Variants in LACTB observed in about 807,000 individuals in gnomAD.
LACTB encodes the protein serine beta-lactamase-like protein LACTB, mitochondrial.
In LACTB, 35 loss-of-function variants were observed where a neutral mutation model predicts 50.2. The observed-to-expected ratio is 0.70, with a 90% CI of 0.53 to 0.92. LACTB has a LOEUF of 0.92. Among genes scored for constraint, LACTB ranks in the 40% least tolerant of loss-of-function variants. The pLI is 0.00. For missense variants in LACTB, 664 were observed against 691.8 expected (o/e 0.96, Z 0.45); for synonymous variants, 252 against 268.2 (o/e 0.94, Z 0.59).
At chr15:63,124,680 C>A (rs1216276334) in intron 2 of LACTB, among the ~76,000 whole-genome samples, 2 of 152,154 alleles carry the variant, frequency 1.3e-5, no homozygotes. Context: ...AGGCCAGGTG[C>A]AGTGGCTCAC....
chr15:63,127,805 A>T, intron 4 of LACTB, 116 bp downstream of exon 4: 1 of 695,910 alleles, frequency 1.4e-6, no homozygotes, highest in South Asian at 2.0e-5. Context: ...TGTGATACGG[A>T]CTAGTCTGGT....
At chr15:63,126,785 A>G (rs2037058331) in intron 2 of LACTB, 74 bp from the exon 3 acceptor site, 3 of 850,044 alleles carry the variant, frequency 3.5e-6, no homozygotes, top group East Asian at 5.3e-5. Context: ...TAAAGATAGT[A>G]TTATTTCAGG....
At chr15:63,128,504 AG>A (rs2037084844) in intron 4 of LACTB, among the ~76,000 whole-genome samples, 1 of 152,170 alleles carries the variant, frequency 6.6e-6, no homozygotes, top group South Asian at 2.1e-4. Context: ...CAGGAGGCTG[AG>A]GCGGGAGGAT....
intron 5 of LACTB, among the ~76,000 whole-genome samples, chr15:63,137,088 G>C (rs1323445837): frequency 1.3e-5 from 2 of 152,168 alleles, no homozygotes; most frequent in Non-Finnish European, 2.9e-5. Flanking sequence ...GGAGGCAAGA[G>C]AATTGTTTTT....
chr15:63,136,224 G>A (rs2037175119), intron 5 of LACTB, among the ~76,000 whole-genome samples: 1 of 151,974 alleles, frequency 6.6e-6, no homozygotes, highest in Admixed American at 6.6e-5. Flanking sequence ...AAATTTTTTT[G>A]TAGAGATGAG....
chr15:63,133,084 A>C (rs1228311743), intron 5 of LACTB, among the ~76,000 whole-genome samples: 1 of 152,186 alleles, frequency 6.6e-6, no homozygotes, highest in East Asian at 1.9e-4. Context: ...TTGCTTAAGC[A>C]GACTTTAATA....
chr15:63,139,023 G>T, intron 5 of LACTB, among the ~76,000 whole-genome samples: 1 of 127,522 alleles, frequency 7.8e-6, no homozygotes, highest in East Asian at 2.7e-4. Flanking sequence ...CAGCCTAGGT[G>T]AAAGAGCAAG....
At position 63,129,670 on chromosome 15, in the gene LACTB, TG is replaced by T. The variant is rs1261297503; in HGVS notation, c.1118+21del. ...AGCAAGGTAAATGAATACCTTCTGCTGTGTCTAGCTATATCGCATCTTAACA... is the reference window on the plus strand; with the variant it reads ...AGCAAGGTAAATGAATACCTTCTGCTTGTCTAGCTATATCGCATCTTAACA... On this transcript the variant is annotated intron_variant, in intron 5 of 5. Coordinates refer to ENST00000261893, the MANE Select transcript of LACTB (RefSeq NM_032857.5). The T allele has an allele frequency of 6.4e-6, 10 of 1,556,530 alleles. No individual in the cohort carries two copies. The highest frequency in any genetic ancestry group is 8.7e-6 in the Non-Finnish European group (10 of 1,151,564).
At chr15:63,140,863 C>T (rs1036594720) in intron 5 of LACTB, 3 of 248,748 alleles carry the variant, frequency 1.2e-5, no homozygotes, top group Non-Finnish European at 1.9e-5. Context: ...TGGATGTTTA[C>T]AGTTTTGGTT....
In LACTB at chr15:63,122,595, A is replaced by G. The variant is rs751834364; in HGVS notation, c.358-41A>G. 5.9e-6 allele frequency: 9 copies of G among 1,515,934 alleles called. No homozygotes were observed. In the South Asian group the frequency reaches 7.9e-5, roughly 13 times the overall value. 93.9% of individuals were successfully genotyped at this position (1,515,934 alleles called of 1,614,324 possible). On this transcript the variant is annotated intron_variant, in intron 1 of 5. Coordinates refer to ENST00000261893, the MANE Select transcript of LACTB (RefSeq NM_032857.5). ...CCCGAGGAGAGCGCTGGGCTTTTTCAGCAGGCCCGTAACTGTCGGTTCTTT... is the reference window on the plus strand; with the variant it reads ...CCCGAGGAGAGCGCTGGGCTTTTTCGGCAGGCCCGTAACTGTCGGTTCTTT...
chr15:63,122,039 G>A lies in LACTB; in HGVS notation c.168G>A (p.Leu56=). 1 of 1,419,382 alleles carries A rather than the reference G, an allele frequency of 7.0e-7. No individual in the cohort carries two copies. The allele number at this position is 1,419,382 out of a possible 1,614,324, so 87.9% of individuals were successfully genotyped here. ...TGGGGCTGGCGCTCGGGGTGAAGCT[G>A]GCAGGTGGGCTGAGGGGCGCGGCCC... ...LGLGLALGVK[L]AGGLRGAAPA... is the part of the protein sequence containing the mutation. Residue 56 remains leucine (L), a synonymous_variant, in exon 1 of 6, where the codon CTG becomes CTA. Transcript: ENST00000261893.
intron 5 of LACTB, among the ~76,000 whole-genome samples, chr15:63,136,174 T>G (rs1425145864): frequency 6.6e-6 from 1 of 152,104 alleles, no homozygotes; most frequent in African/African-American, 2.4e-5. Flanking sequence ...TCCAAGTAGC[T>G]GGAACTACAG....
At chr15:63,140,838 C>T (rs2037221266) in intron 5 of LACTB, among the ~76,000 whole-genome samples, 1 of 152,128 alleles carries the variant, frequency 6.6e-6, no homozygotes, top group Non-Finnish European at 1.5e-5. Flanking sequence ...TATTCCTAAA[C>T]ATCCCAAAGT....
chr15:63,123,521 G>A (rs2037006169), intron 2 of LACTB, among the ~76,000 whole-genome samples: 1 of 152,184 alleles, frequency 6.6e-6, no homozygotes, highest in South Asian at 2.1e-4. Context: ...AGAGATAAAA[G>A]AAAAGACAGC....
intron 5 of LACTB, among the ~76,000 whole-genome samples, chr15:63,133,873 T>C (rs1000137379): frequency 6.6e-6 from 1 of 152,242 alleles, no homozygotes; most frequent in African/African-American, 2.4e-5. Flanking sequence ...TTTGTTTGAC[T>C]TTTTAAAGTA....
At position 63,127,370 on chromosome 15, in the gene LACTB, A is replaced by G. The variant is rs751240045; in HGVS notation, c.633A>G (p.Arg211=). ...YEGEKVSVTT[R]LLISHLSGIR... ...ACAATTAGGTTTCTGTCACAACAAG[A>G]TTACTGATTTCCCATTTAAGTGGAA... is the stretch of plus-strand genomic sequence containing the variant. Residue 211 remains arginine (R), a synonymous_variant, in exon 4 of 6, where the codon AGA becomes AGG. Transcript: ENST00000261893. The G allele has an allele frequency of 1.9e-6, 3 of 1,569,674 alleles. No homozygotes were observed. The highest frequency in any genetic ancestry group is 2.1e-5 in the Admixed American group (1 of 48,364).
At position 63,141,802 on chromosome 15, in the gene LACTB, C is replaced by T. The variant is rs751208700; in HGVS notation, c.1641C>T (p.Asp547=). 3.1e-6 allele frequency: 5 copies of T among 1,606,918 alleles called. No homozygotes were observed. In the South Asian group the frequency reaches 5.5e-5, roughly 18 times the overall value. ...TTGAATTTGATAAAGACAGATCAGA[C>T]TGATAACCTTAACACCATAGGTGCA... The part of the protein sequence containing the change: ...IALEFDKDRS[D] The change falls in exon 6 of 6, where the codon GAC becomes GAT. Residue 547 remains aspartate, a synonymous_variant. Coordinates refer to ENST00000261893, the MANE Select transcript of LACTB (RefSeq NM_032857.5).
At chr15:63,123,246 C>T (rs1444344062) in intron 2 of LACTB, among the ~76,000 whole-genome samples, 1 of 152,138 alleles carries the variant, frequency 6.6e-6, no homozygotes, top group Non-Finnish European at 1.5e-5. Context: ...CTGAGGAAAG[C>T]GAAACCACAG....
Position 63,138,924 on chromosome 15 carries a change from G to A in LACTB, c.1119-2356G>A, listed in dbSNP as rs1456051801. On this transcript the variant is annotated intron_variant, in intron 5 of 5. Coordinates refer to ENST00000261893, the MANE Select transcript of LACTB (RefSeq NM_032857.5). Reference sequence around the variant, plus strand: ...TAGCTGTGCGTGGTGGTGGGCGCCTGTAATCCCAGCTACTCAGGAGGCTGA... The same window carrying A: ...TAGCTGTGCGTGGTGGTGGGCGCCTATAATCCCAGCTACTCAGGAGGCTGA... Among the ~76,000 whole-genome samples, 8 of 151,354 alleles carry A rather than the reference G, an allele frequency of 5.3e-5. No homozygotes were observed. The Admixed American group carries it at 5.3e-4, about 10-fold the overall frequency.
Sources: allele counts gnomAD v4.1 joint callset (sites outside exome capture counted in the v4.1 genomes callset), GRCh38; gene constraint gnomAD v4.1.1; transcripts MANE v1.5; gene names NCBI Gene and HGNC (gene_info 2026-07-23, HGNC 2026-07-21).